Variants in ARNT2 observed in about 807,000 individuals in gnomAD.
ARNT2 encodes ARNT protein 2.
A neutral mutation model predicts 91.7 loss-of-function variants in ARNT2; 36 were observed. The observed-to-expected ratio is 0.39, with a 90% confidence interval of 0.30 to 0.52. The LOEUF is 0.52. ARNT2 is among the 20% of genes least tolerant of loss of function. The pLI, the probability that ARNT2 is intolerant of heterozygous loss-of-function variation, is 0.72. For synonymous variants in ARNT2, 365 were observed against 347.1 expected, an observed-to-expected ratio of 1.05 and a Z score of -0.57; for missense variants, 775 against 939.3, an observed-to-expected ratio of 0.83 and a Z score of 2.29.
chr15:80,501,889 T>C (rs1479954596), intron 5 of ARNT2, among the ~76,000 whole-genome samples: 1 of 152,256 alleles, frequency 6.6e-6, no homozygotes, highest in East Asian at 1.9e-4. Context: ...TCTTACATCC[T>C]TGCTGCCTTT....
rs1047529636 is a variant in ARNT2 at position 80,404,746 on chromosome 15, C to T, written c.31+200C>T. 1.3e-5 allele frequency among the ~76,000 whole-genome samples: 2 copies of T among 152,130 alleles called. No individual in the cohort carries two copies. Among genetic ancestry groups the T allele is most frequent in the Middle Eastern group, 3.4e-3 (1 of 290 alleles). ...GCATCCCAATCGCTGCCCATCCGGT[C>T]CCGGGCAGGCGCCGGTCCGGACCCG... On this transcript the variant is annotated intron_variant, in intron 1 of 18. Transcript: ENST00000303329. This position sits in a 1 kb window ranked among gnomAD's most constrained non-coding sequence, Gnocchi z 5.5.
chr15:80,510,351 T>TA (rs1397188502), intron 6 of ARNT2, among the ~76,000 whole-genome samples: 2 of 151,082 alleles, frequency 1.3e-5, no homozygotes, highest in East Asian at 3.9e-4. Flanking sequence ...AAATTTACAA[T>TA]AAAAAAACAA....
In ARNT2 at chr15:80,563,301, G is replaced by C; in HGVS notation, c.1316+62G>C. ...ATGCGCTTGCTTGGGTCCAGAGCTG[G>C]CAATTTTATTTGGAGTTCTTTCTCC... On this transcript the variant is annotated intron_variant, in intron 12 of 18. Transcript: ENST00000303329. 2.5e-6 allele frequency: 4 copies of C among 1,595,022 alleles called. No individual in the cohort carries two copies. In the South Asian group the frequency reaches 4.4e-5, roughly 18 times the overall value.
At chr15:80,575,728 C>T (rs561250034) in intron 14 of ARNT2, among the ~76,000 whole-genome samples, 1 of 152,280 alleles carries the variant, frequency 6.6e-6, no homozygotes, top group African/African-American at 2.4e-5. Context: ...TAGAGGAGCT[C>T]AGTCTCTCAA....
At position 80,475,018 on chromosome 15, in the gene ARNT2, G is replaced by A. The variant is rs1896780070; in HGVS notation, c.417G>A (p.Lys139=). 1.2e-6 allele frequency: 2 copies of A among 1,614,094 alleles called. No homozygotes were observed. Among genetic ancestry groups the A allele is most frequent in the South Asian group, 2.2e-5 (2 of 91,076 alleles). The change falls in exon 5 of 19, where the codon AAG becomes AAA. Residue 139 remains lysine (K), a synonymous_variant. Transcript: ENST00000303329. Reference sequence around the variant, plus strand: ...TAATCTTTTCTTTATAGGAACTGAAGCATCTCATCCTTGAAGCAGCTGATG... The same window carrying A: ...TAATCTTTTCTTTATAGGAACTGAAACATCTCATCCTTGAAGCAGCTGATG... ...KPSFLTEQEL[K]HLILEAADGF...
In ARNT2 at chr15:80,563,138, C is replaced by T. The variant is rs767137998; in HGVS notation, c.1215C>T (p.Thr405=). Reference sequence around the variant, plus strand: ...TGTCGGTCATGTATCGATTTCGCACCAAGAACCGGGAGTGGATGTTGATCC... The same window carrying T: ...TGTCGGTCATGTATCGATTTCGCACTAAGAACCGGGAGTGGATGTTGATCC... The part of the protein sequence containing the change: ...QVLSVMYRFR[T]KNREWMLIRT... Residue 405 remains threonine, a synonymous_variant, in exon 12 of 19, where the codon ACC becomes ACT. Transcript: ENST00000303329. 1 of 1,614,166 alleles carries T rather than the reference C, an allele frequency of 6.2e-7. No homozygotes were observed. The highest frequency in any genetic ancestry group is 1.1e-5 in the South Asian group (1 of 91,070).
chr15:80,492,420 CG>C (rs967688873), intron 5 of ARNT2, among the ~76,000 whole-genome samples: 18 of 152,262 alleles, frequency 1.2e-4, no homozygotes, highest in African/African-American at 4.3e-4. Context: ...TCCAGTCTCT[CG>C]GGGTCCTTCA....
At chr15:80,548,379 G>A (rs1213771052) in intron 8 of ARNT2, among the ~76,000 whole-genome samples, 1 of 152,064 alleles carries the variant, frequency 6.6e-6, no homozygotes, top group Non-Finnish European at 1.5e-5. Context: ...CAGAAACAAG[G>A]CAATAATGCC....
chr15:80,550,066 C>G (rs757744488), intron 8 of ARNT2, among the ~76,000 whole-genome samples: 2 of 152,102 alleles, frequency 1.3e-5, no homozygotes, highest in African/African-American at 2.4e-5. Flanking sequence ...AATTCCAGGA[C>G]ATAGTGTTCA....
chr15:80,424,294 G>A (rs1895903779), intron 1 of ARNT2, among the ~76,000 whole-genome samples: 1 of 152,262 alleles, frequency 6.6e-6, no homozygotes, highest in Admixed American at 6.5e-5. Context: ...GGACAGGACA[G>A]GCAGTACAAT....
intron 5 of ARNT2, among the ~76,000 whole-genome samples, chr15:80,499,869 GA>G (rs1897167770): frequency 6.6e-6 from 1 of 152,190 alleles, no homozygotes; most frequent in African/African-American, 2.4e-5. Context: ...TATTTCTCAA[GA>G]AAGCATTGTG....
intron 8 of ARNT2, among the ~76,000 whole-genome samples, chr15:80,546,176 C>T (rs1264715091): frequency 1.3e-5 from 2 of 151,612 alleles, no homozygotes; most frequent in Non-Finnish European, 2.9e-5. Flanking sequence ...GGTAGACAAT[C>T]TAGAGTTAGT....
intron 5 of ARNT2, among the ~76,000 whole-genome samples, chr15:80,504,888 C>G (rs1455042178): frequency 2.0e-5 from 3 of 151,940 alleles, no homozygotes; most frequent in Non-Finnish European, 4.4e-5. Flanking sequence ...TCCTTCCGGG[C>G]AGCAGCAGGG....
chr15:80,522,319 T>C (rs1595996887), intron 8 of ARNT2, among the ~76,000 whole-genome samples: 2 of 152,218 alleles, frequency 1.3e-5, no homozygotes, highest in Non-Finnish European at 2.9e-5. Context: ...ATACAGCTAG[T>C]GCATACATAA....
intron 8 of ARNT2, among the ~76,000 whole-genome samples, chr15:80,543,523 T>C (rs1897944817): frequency 6.6e-6 from 1 of 152,208 alleles, no homozygotes; most frequent in African/African-American, 2.4e-5. Context: ...TTGTCAGCCA[T>C]TATTTCTTCA....
chr15:80,420,313 T>C (rs777254920), intron 1 of ARNT2, among the ~76,000 whole-genome samples: 1 of 152,204 alleles, frequency 6.6e-6, no homozygotes, highest in African/African-American at 2.4e-5. Context: ...GATCTTTTCC[T>C]GGACTATTGA....
intron 11 of ARNT2, among the ~76,000 whole-genome samples, chr15:80,560,506 C>A (rs556317669): frequency 1.3e-5 from 2 of 152,168 alleles, no homozygotes; most frequent in Admixed American, 6.5e-5. Context: ...TAAGGCTGAG[C>A]TTCCCTTTCC....
chr15:80,548,580 T>A (rs1338584749), intron 8 of ARNT2, among the ~76,000 whole-genome samples: 2 of 152,068 alleles, frequency 1.3e-5, no homozygotes, highest in East Asian at 3.8e-4. Flanking sequence ...GGTTAATATA[T>A]GAAAATCAAT....
At chr15:80,492,914 A>G (rs906170115) in intron 5 of ARNT2, among the ~76,000 whole-genome samples, 3 of 152,182 alleles carry the variant, frequency 2.0e-5, no homozygotes, top group African/African-American at 4.8e-5. Flanking sequence ...TAATGTTTCA[A>G]CATATTGTGT....
Sources: gnomAD v4.1 joint callset for allele counts (sites outside exome capture counted in the v4.1 genomes callset) on GRCh38, gnomAD v4.1.1 for gene constraint, Gnocchi (gnomAD v3.1) non-coding constraint, MANE v1.5 for transcripts, NCBI Gene and HGNC (gene_info 2026-07-23, HGNC 2026-07-21) for gene names.